TTC6: variants seen among roughly 807,000 people sequenced by gnomAD.
The protein encoded by TTC6 is tetratricopeptide repeat domain 6.
A neutral mutation model predicts 210.4 loss-of-function variants in TTC6; 172 were observed. That is an observed-to-expected ratio of 0.82 (90% CI 0.72 to 0.93). TTC6 has a LOEUF of 0.93. Among genes scored for constraint, TTC6 ranks in the 40% least tolerant of loss-of-function variants. The pLI, the probability that TTC6 is intolerant of heterozygous loss-of-function variation, is 0.00. For missense variants in TTC6, 2,414 were observed against 2,318.1 expected (o/e 1.04, Z -0.85); for synonymous variants, 804 against 819.6 (o/e 0.98, Z 0.32).
intron 1 of TTC6, among the ~76,000 whole-genome samples, chr14:37,651,259 C>G (rs944311969): frequency 2.0e-5 from 3 of 151,028 alleles, no homozygotes; most frequent in African/African-American, 7.3e-5. Context: ...TCTAATTCTT[C>G]TCTGTCAACA....
intron 14 of TTC6, among the ~76,000 whole-genome samples, chr14:37,767,239 G>A (rs995894825): frequency 1.3e-5 from 2 of 152,134 alleles, no homozygotes; most frequent in Non-Finnish European, 2.9e-5. Flanking sequence ...TTGCTATTGT[G>A]AATAATGCCG....
chr14:37,672,726 C>G (rs1183494958), intron 1 of TTC6, among the ~76,000 whole-genome samples: 1 of 151,974 alleles, frequency 6.6e-6, no homozygotes, highest in Non-Finnish European at 1.5e-5. Context: ...CATTGCCCAA[C>G]CATAGGCATT....
Position 37,673,902 on chromosome 14 carries a change from A to G in TTC6, c.940-6249A>G, listed in dbSNP as rs1025631300. On this transcript the variant is annotated intron_variant, in intron 1 of 30. Coordinates refer to ENST00000553443, the Ensembl canonical transcript of TTC6. ...TTGCTTACAGATTTATAAATTTTCA[A>G]TTGTGTACAGAGTTAAAAAAATTTG... Among the ~76,000 whole-genome samples the G allele has an allele frequency of 3.3e-5, 5 of 152,120 alleles. No individual in the cohort carries two copies. The East Asian group carries it at 7.7e-4, about 23-fold the overall frequency.
intron 14 of TTC6, among the ~76,000 whole-genome samples, chr14:37,770,867 G>A (rs893099887): frequency 6.7e-5 from 10 of 149,610 alleles, no homozygotes; most frequent in African/African-American, 2.0e-4. Context: ...TGGTTATTTC[G>A]CTCATTAGTT....
intron 14 of TTC6, chr14:37,772,703 CT>C (rs1250789442): frequency 1.3e-5 from 2 of 158,208 alleles, no homozygotes. Context: ...CGCCCACTGT[CT>C]GGCAGTCCCT....
rs2096070932 is a variant in TTC6 at position 37,787,640 on chromosome 14, A to G, written c.3436+3A>G. The G allele has an allele frequency of 6.9e-7, 1 of 1,445,142 alleles. No individual in the cohort carries two copies. The highest frequency in any genetic ancestry group is 2.3e-5 in the Admixed American group (1 of 44,016). 89.5% of individuals were successfully genotyped at this position (1,445,142 alleles called of 1,614,324 possible). A position where few individuals can be genotyped will look rare whatever the true frequency, so the allele number is the denominator to read the frequency against. ...GCTACAGGATTATAGTGTTTCAGGTACTTTGCCTTCAATTACATGTATATA... is the reference window on the plus strand; with the variant it reads ...GCTACAGGATTATAGTGTTTCAGGTGCTTTGCCTTCAATTACATGTATATA... On this transcript the variant is annotated splice_donor_region_variant and intron_variant, in intron 15 of 30. Transcript: ENST00000553443.
intron 20 of TTC6, among the ~76,000 whole-genome samples, 158 bp downstream of exon 22, chr14:37,797,105 C>T (rs2096094557): frequency 6.6e-6 from 1 of 152,050 alleles, no homozygotes; most frequent in African/African-American, 2.4e-5. Flanking sequence ...TGTGCCCCCT[C>T]TTAAGAACAG....
chr14:37,690,277 C>A (rs1370390844), intron 3 of TTC6, among the ~76,000 whole-genome samples: 1 of 151,840 alleles, frequency 6.6e-6, no homozygotes, highest in Non-Finnish European at 1.5e-5. Context: ...CAAAGAAAGC[C>A]ACCTTTACTA....
chr14:37,672,575 G>C (rs1353611570), intron 1 of TTC6, among the ~76,000 whole-genome samples: 2 of 152,086 alleles, frequency 1.3e-5, no homozygotes, highest in Non-Finnish European at 2.9e-5. Flanking sequence ...ATAATTCAAA[G>C]GGATGTCATA....
rs1235142497 is a variant in TTC6, at chr14:37,658,308, A to G, written c.940-21843A>G. Among the ~76,000 whole-genome samples the G allele has an allele frequency of 2.0e-5, 3 of 152,326 alleles. No homozygotes were observed. The South Asian group carries it at 6.2e-4, about 32-fold the overall frequency. On this transcript the variant is annotated intron_variant, in intron 1 of 30. Transcript: ENST00000553443. ...GTCTGTGGGCCCTTCCTTTGCCAAC[A>G]CTTATTTACATTACACTGTGAAAGA...
In TTC6 at chr14:37,605,390, A is replaced by C. The variant is rs1594997693; in HGVS notation, c.-234-1273A>C. ...AGTAATCAGGATCCGGGTGGATAAAATAAAATATATCCTTCACTGGAAAAC... is the reference window on the plus strand; with the variant it reads ...AGTAATCAGGATCCGGGTGGATAAACTAAAATATATCCTTCACTGGAAAAC... On this transcript the variant is annotated intron_variant, in intron 1 of 2. Coordinates refer to the TTC6 transcript ENST00000556845. Among the ~76,000 whole-genome samples, 4 of 152,218 alleles carry C rather than the reference A, an allele frequency of 2.6e-5. No homozygotes were observed. The East Asian group carries it at 7.7e-4, about 29-fold the overall frequency.
chr14:37,657,206 C>A (rs373474106), intron 1 of TTC6, among the ~76,000 whole-genome samples: 4 of 90,572 alleles, frequency 4.4e-5, no homozygotes, highest in African/African-American at 8.7e-5. Flanking sequence ...GAGCGAAACT[C>A]TGTCTCAAAA....
chr14:37,680,235 C>T lies in TTC6; in HGVS notation c.1024C>T (p.Gln342Ter), dbSNP rs2095780178. 2 of 1,533,312 alleles carry T rather than the reference C, an allele frequency of 1.3e-6. 1 individual carries two copies. The highest frequency in any genetic ancestry group is 2.4e-5 in the South Asian group (2 of 83,740). 95.0% of individuals were successfully genotyped at this position (1,533,312 alleles called of 1,614,324 possible). Residue 342 changes from glutamine to a stop codon, truncating the protein, a stop_gained, in exon 2 of 31, where the codon CAG becomes TAG. Coordinates refer to ENST00000553443, the Ensembl canonical transcript of TTC6. LOFTEE classifies it high-confidence loss of function. The stretch of plus-strand genomic sequence containing the variant: ...TGAGATACAAGCAGAGTATAAATTC[C>T]AGATGGGTGCTGAGGAATCGCAAAT...
chr14:37,632,806 A>G (rs2095672460), intron 1 of TTC6, among the ~76,000 whole-genome samples: 1 of 152,224 alleles, frequency 6.6e-6, no homozygotes, highest in South Asian at 2.1e-4. Flanking sequence ...TTCTTCAGAG[A>G]TGCCCTGCCC....
chr14:37,812,837 G>A (rs934096963), intron 25 of TTC6, among the ~76,000 whole-genome samples: 15 of 152,128 alleles, frequency 9.9e-5, no homozygotes, highest in Admixed American at 3.9e-4. Flanking sequence ...GCAGGAAATA[G>A]TTACTCAGAA....
chr14:37,604,375 A>G (rs569769818), intron 1 of TTC6, among the ~76,000 whole-genome samples: 75 of 152,124 alleles, frequency 4.9e-4, no homozygotes, highest in Non-Finnish European at 8.7e-4. Flanking sequence ...TCAAGGGGAG[A>G]GGAGATGAGA....
At chr14:37,601,422 A>G (rs560736865) in intron 1 of TTC6, among the ~76,000 whole-genome samples, 1 of 152,340 alleles carries the variant, frequency 6.6e-6, no homozygotes, top group South Asian at 2.1e-4. Flanking sequence ...TCAACTAACT[A>G]GCCCATCCCT....
At chr14:37,821,675 C>T (rs566823267) in intron 26 of TTC6, among the ~76,000 whole-genome samples, 33 of 151,288 alleles carry the variant, frequency 2.2e-4, no homozygotes, top group African/African-American at 8.0e-4. Flanking sequence ...AATACCGTAT[C>T]ACATTGTGAG....
chr14:37,804,439 T>C (rs1045609873), intron 20 of TTC6, among the ~76,000 whole-genome samples: 2 of 152,216 alleles, frequency 1.3e-5, no homozygotes, highest in African/African-American at 4.8e-5. Flanking sequence ...ATAAGCCTGC[T>C]TAAGTACTGG....
Sources: allele counts gnomAD v4.1 joint callset (sites outside exome capture counted in the v4.1 genomes callset), GRCh38; gene constraint gnomAD v4.1.1; transcripts MANE v1.5; gene names NCBI Gene and HGNC (gene_info 2026-07-23, HGNC 2026-07-21).